Variants in COL6A5 observed in about 807,000 individuals in gnomAD.
The protein encoded by COL6A5 is collagen alpha-5(VI) chain.
A neutral mutation model predicts 65.6 loss-of-function variants in COL6A5; 48 were observed. The ratio of observed to expected loss-of-function variants is 0.73; its 90% CI spans 0.58 to 0.93. The LOEUF is 0.93. Among genes scored for constraint, COL6A5 ranks in the 40% least tolerant of loss-of-function variants. COL6A5 has a pLI of 0.00. For synonymous variants in COL6A5, 291 were observed against 322.8 expected (o/e 0.90, Z 1.05); for missense variants, 914 against 928.3 (o/e 0.98, Z 0.20).
chr3:130,479,763 A>G (rs1336728917), intron 7 of COL6A5, among the ~76,000 whole-genome samples: 1 of 152,170 alleles, frequency 6.6e-6, no homozygotes, highest in Non-Finnish European at 1.5e-5. Context: ...ATATACTAAT[A>G]ATGTAAGTAT....
chr3:130,387,152 A>T (rs1004366807), intron 5 of COL6A5, among the ~76,000 whole-genome samples: 2 of 152,014 alleles, frequency 1.3e-5, no homozygotes, highest in African/African-American at 4.8e-5. Flanking sequence ...GGACCAAGGG[A>T]GCCTACCACA....
At chr3:130,376,093 T>C (rs1474036962) in intron 2 of COL6A5, 144 bp from the exon 3 acceptor site, 1 of 737,560 alleles carries the variant, frequency 1.4e-6, no homozygotes, top group Non-Finnish European at 2.0e-6. Flanking sequence ...AATTATATTT[T>C]CTTCTGTTTG....
At chr3:130,414,183 T>G in intron 22 of COL6A5, 52 bp downstream of exon 22, 1 of 1,318,832 alleles carries the variant, frequency 7.6e-7, no homozygotes, top group Non-Finnish European at 1.1e-6. Flanking sequence ...GTTATTCTGA[T>G]GGGAAGAAGG....
At chr3:130,415,652 A>G in exon 23 of COL6A5, 2 of 1,548,250 alleles carry the variant, frequency 1.3e-6, no homozygotes, top group Non-Finnish European at 1.7e-6. Context: ...AAGGGGTCAC[A>G]GGGAAATCCT....
chr3:130,465,630 C>T (rs1198497759), intron 5 of COL6A5, among the ~76,000 whole-genome samples: 2 of 152,020 alleles, frequency 1.3e-5, no homozygotes, highest in Non-Finnish European at 2.9e-5. Context: ...CAGAACTAAG[C>T]ACATGGATAT....
At chr3:130,351,570 T>C (rs1300155741) in intron 1 of COL6A5, among the ~76,000 whole-genome samples, 1 of 152,242 alleles carries the variant, frequency 6.6e-6, no homozygotes, top group Non-Finnish European at 1.5e-5. Context: ...TTGTCATCAC[T>C]GGACATCAGA....
intron 4 of COL6A5, among the ~76,000 whole-genome samples, chr3:130,381,816 A>G (rs546108521): frequency 6.6e-6 from 1 of 152,106 alleles, no homozygotes; most frequent in Non-Finnish European, 1.5e-5. Context: ...TTACTACACC[A>G]TAGGAGGGAT....
intron 1 of COL6A5, among the ~76,000 whole-genome samples, chr3:130,437,367 T>C (rs1365794456): frequency 1.3e-5 from 2 of 152,140 alleles, no homozygotes; most frequent in Non-Finnish European, 2.9e-5. Flanking sequence ...CACTTCATAG[T>C]GTCTCTATCT....
chr3:130,470,754 C>T (rs116566398), intron 6 of COL6A5, 117 bp from the exon 39 acceptor site: 250 of 680,816 alleles, frequency 3.7e-4, no homozygotes, highest in African/African-American at 3.1e-3. Flanking sequence ...TTGTGAAGTC[C>T]GTTATAAAAG....
chr3:130,397,122 C>T (rs1468490425), intron 8 of COL6A5, among the ~76,000 whole-genome samples: 2 of 152,136 alleles, frequency 1.3e-5, no homozygotes, highest in African/African-American at 4.8e-5. Flanking sequence ...CTGCCTCGGC[C>T]TCCTAAAGTG....
At position 130,407,722 on chromosome 3, in the gene COL6A5, ATAGGTGAC is replaced by A. The variant is rs202169998; in HGVS notation, c.4479+1405_4479+1412del. Among the ~76,000 whole-genome samples the A allele has an allele frequency of 8.9e-3, 1,350 of 152,298 alleles. 50 individuals are homozygous for A. Among genetic ancestry groups the A allele is most frequent in the Admixed American group, 0.064 (985 of 15,296 alleles). ...GTTCTAGGACCTGAAATCTCCAGAT[ATAGGTGAC>A]TAGAGGAACAGAAAATAGAGAGTCA... On this transcript the variant is annotated intron_variant and NMD_transcript_variant, in intron 17 of 41. Coordinates refer to the COL6A5 transcript ENST00000312481.
chr3:130,398,136 T>G lies in COL6A5; in HGVS notation c.3991+25T>G, dbSNP rs576515064. 1.5e-3 allele frequency: 2,138 copies of G among 1,463,178 alleles called. 1 individual carries two copies. Among genetic ancestry groups the G allele is most frequent in the Non-Finnish European group, 1.9e-3 (2,024 of 1,088,696 alleles). 90.6% of individuals were successfully genotyped at this position (1,463,178 alleles called of 1,614,324 possible). A position where few individuals can be genotyped will look rare whatever the true frequency, so the allele number is the denominator to read the frequency against. On this transcript the variant is annotated intron_variant and NMD_transcript_variant, in intron 10 of 41. Coordinates refer to the COL6A5 transcript ENST00000312481. ...GGTATTGAGTTGTTGTTGTTTTTTT[T>G]TTTTTTTTTTTTGAGATGGAGTGTC...
chr3:130,375,044 C>T (rs1935714165), intron 2 of COL6A5, among the ~76,000 whole-genome samples: 1 of 152,180 alleles, frequency 6.6e-6, no homozygotes, highest in African/African-American at 2.4e-5. Flanking sequence ...AGTTGTTAGA[C>T]ATTTACTAGC....
chr3:130,378,240 T>TC (rs539951268), intron 3 of COL6A5, among the ~76,000 whole-genome samples: 14 of 151,838 alleles, frequency 9.2e-5, no homozygotes, highest in Non-Finnish European at 1.9e-4. Context: ...AGAACACAAA[T>TC]CCCCCCTGTA....
At chr3:130,417,980 G>T (rs1937400022) in intron 24 of COL6A5, among the ~76,000 whole-genome samples, 1 of 151,908 alleles carries the variant, frequency 6.6e-6, no homozygotes, top group African/African-American at 2.4e-5. Flanking sequence ...TGGTGACTGT[G>T]GTTAAAAATA....
At chr3:130,397,213 A>G (rs1936632684) in intron 8 of COL6A5, among the ~76,000 whole-genome samples, 1 of 152,204 alleles carries the variant, frequency 6.6e-6, no homozygotes, top group African/African-American at 2.4e-5. Context: ...ATATGTCACC[A>G]TTAAAATGCA....
intron 18 of COL6A5, among the ~76,000 whole-genome samples, 153 bp from the exon 19 acceptor site, chr3:130,409,854 ATT>A: frequency 6.6e-6 from 1 of 152,082 alleles, no homozygotes; most frequent in South Asian, 2.1e-4. Flanking sequence ...TACTGCTTTG[ATT>A]TTTTCCAAAA....
intron 5 of COL6A5, among the ~76,000 whole-genome samples, chr3:130,461,686 T>C (rs948411588): frequency 6.6e-6 from 1 of 152,070 alleles, no homozygotes; most frequent in Non-Finnish European, 1.5e-5. Flanking sequence ...CTAAATCATG[T>C]AAAATCATGT....
chr3:130,372,341 A>T (rs1935597820), intron 1 of COL6A5, among the ~76,000 whole-genome samples: 1 of 151,962 alleles, frequency 6.6e-6, no homozygotes, highest in Non-Finnish European at 1.5e-5. Context: ...GAAAATATAT[A>T]TTCACACCAG....
Sources: allele counts gnomAD v4.1 joint callset (sites outside exome capture counted in the v4.1 genomes callset), GRCh38; gene constraint gnomAD v4.1.1; transcripts MANE v1.5; gene names NCBI Gene and HGNC (gene_info 2026-07-23, HGNC 2026-07-21).